The following ANKRD36C variants were observed in gnomAD, a reference collection of about 807,000 sequenced individuals.
The protein encoded by ANKRD36C is ankyrin repeat domain 36C.
Under a neutral mutation model 276.4 loss-of-function variants are expected in ANKRD36C, and 61 were observed. The ratio of observed to expected loss-of-function variants is 0.22; its 90% confidence interval spans 0.18 to 0.27. The LOEUF (loss-of-function observed/expected upper bound fraction) is 0.27. Ranked by LOEUF, ANKRD36C falls within the 10% of genes least tolerant of loss-of-function variation. The probability of loss-of-function intolerance (pLI) is 1.00; values close to 1 mark genes in which losing one functional copy is unlikely to be tolerated. For missense variants in ANKRD36C, 1,447 were observed against 2,032.3 expected (o/e 0.71, Z 5.54); for synonymous variants, 483 against 680.1 (o/e 0.71, Z 4.51).
At chr2:95,880,650 A>G (rs960276156) in intron 56 of ANKRD36C, 27 bp from the exon 77 acceptor site, 3 of 1,515,726 alleles carry the variant, frequency 2.0e-6, no homozygotes, top group African/African-American at 2.8e-5. Flanking sequence ...ATATATAATC[A>G]ATCATATGTA....
chr2:95,929,780 T>C (rs2104439973), intron 24 of ANKRD36C, among the ~76,000 whole-genome samples: 1 of 151,586 alleles, frequency 6.6e-6, no homozygotes, highest in African/African-American at 2.4e-5. Flanking sequence ...AGTGGAAGTG[T>C]CCTAACTTAA....
At chr2:95,902,389 A>G (rs1393500341) in intron 42 of ANKRD36C, among the ~76,000 whole-genome samples, 1 of 150,056 alleles carries the variant, frequency 6.7e-6, no homozygotes, top group African/African-American at 2.4e-5. Flanking sequence ...CCAAAATTAT[A>G]TAAATGACTT....
At chr2:95,988,150 C>CAAAA (rs201835162) in intron 1 of ANKRD36C, among the ~76,000 whole-genome samples, 1 of 105,438 alleles carries the variant, frequency 9.5e-6, no homozygotes. Context: ...AAAAAGAAGG[C>CAAAA]AAAAAAAAAA....
intron 6 of ANKRD36C, among the ~76,000 whole-genome samples, chr2:95,970,135 T>C (rs1020500460): frequency 5.3e-5 from 8 of 152,192 alleles, no homozygotes; most frequent in Non-Finnish European, 1.0e-4. Context: ...CTGTACTCTG[T>C]TCTATGGCAA....
At chr2:95,908,132 T>C (rs922011459) in intron 42 of ANKRD36C, among the ~76,000 whole-genome samples, 1 of 150,428 alleles carries the variant, frequency 6.6e-6, no homozygotes, top group Non-Finnish European at 1.5e-5. Flanking sequence ...AAGCTTTCTG[T>C]CTTTTCTTGG....
intron 5 of ANKRD36C, among the ~76,000 whole-genome samples, chr2:95,979,577 G>C (rs371340119): frequency 2.0e-5 from 3 of 152,076 alleles, no homozygotes; most frequent in East Asian, 3.9e-4. Context: ...CCAACCACAA[G>C]TTGAATGCCT....
At chr2:95,918,096 C>T (rs1235046916) in intron 34 of ANKRD36C, 54 bp from the exon 37 acceptor site, 25 of 1,580,422 alleles carry the variant, frequency 1.6e-5, no homozygotes, top group Non-Finnish European at 2.1e-5. Context: ...ATAAAGTTAT[C>T]CATACATTCA....
At chr2:95,924,079 T>C (rs1354646611) in intron 30 of ANKRD36C, among the ~76,000 whole-genome samples, 1 of 151,656 alleles carries the variant, frequency 6.6e-6, no homozygotes, top group African/African-American at 2.4e-5. Flanking sequence ...CAAAAGGATT[T>C]ACACTAGTAT....
downstream of ANKRD36C, among the ~76,000 whole-genome samples, chr2:95,849,755 C>T (rs78811078): frequency 2.4e-4 from 36 of 152,304 alleles, no homozygotes; most frequent in Middle Eastern, 0.01. Flanking sequence ...ATCCCTTGAA[C>T]GTGCAGTTCA....
In ANKRD36C at chr2:95,958,505, A is replaced by G. The variant is rs533832536; in HGVS notation, c.1105+86T>C. On this transcript the variant is annotated intron_variant, in intron 12 of 66. Transcript: ENST00000456556. Reference sequence around the variant, plus strand: ...CGCTGAATCAGAATGCGCAGCTTCAATGAGCCCCCTGCTGATTTATTCGGG... The same window carrying G: ...CGCTGAATCAGAATGCGCAGCTTCAGTGAGCCCCCTGCTGATTTATTCGGG... The G allele has an allele frequency of 2.0e-4, 305 of 1,495,176 alleles. 1 individual carries two copies. Among genetic ancestry groups the G allele is most frequent in the Non-Finnish European group, 2.6e-4 (290 of 1,111,688 alleles). The allele number at this position is 1,495,176 out of a possible 1,614,324, so 92.6% of individuals were successfully genotyped here. A position where few individuals can be genotyped will look rare whatever the true frequency, so the allele number is the denominator to read the frequency against.
intron 61 of ANKRD36C, 131 bp downstream of exon 81, chr2:95,859,730 C>T: frequency 9.7e-7 from 1 of 1,034,562 alleles, no homozygotes; most frequent in South Asian, 1.7e-5. Flanking sequence ...AATAATTTCA[C>T]ACTCCATAAG....
rs1573752692 is a variant in ANKRD36C at position 95,902,905 on chromosome 2, A to G, written c.2654-3569T>C. ...AATTACCTCTCCTAGTTTTTTCTCC[A>G]TACTTTTTTCCTCTGGCTATATTCA... On this transcript the variant is annotated intron_variant, in intron 42 of 66. Transcript: ENST00000456556. 5.7e-6 allele frequency: 9 copies of G among 1,585,272 alleles called. 1 individual carries two copies. In the East Asian group the frequency reaches 9.1e-5, roughly 16 times the overall value.
At chr2:95,981,588 T>C (rs1678919375) in intron 4 of ANKRD36C, among the ~76,000 whole-genome samples, 1 of 150,664 alleles carries the variant, frequency 6.6e-6, no homozygotes, top group Non-Finnish European at 1.5e-5. Context: ...CACCTTTCTC[T>C]GTTAGCTGGA....
rs148439079 is a variant in ANKRD36C at position 95,924,071 on chromosome 2, A to G, written c.2042-382T>C. On this transcript the variant is annotated intron_variant, in intron 30 of 66. Transcript: ENST00000456556. ...TCCATGTCTTTCATGCAAGCTATCAAAAGGATTTACACTAGTATACTACAA... is the reference window on the plus strand; with the variant it reads ...TCCATGTCTTTCATGCAAGCTATCAGAAGGATTTACACTAGTATACTACAA... Among the ~76,000 whole-genome samples the G allele has an allele frequency of 1.4e-4, 22 of 151,768 alleles. No homozygotes were observed. The East Asian group carries it at 4.1e-3, about 28-fold the overall frequency.
intron 44 of ANKRD36C, among the ~76,000 whole-genome samples, chr2:95,896,975 C>A (rs1676569084): frequency 6.8e-6 from 1 of 147,462 alleles, no homozygotes; most frequent in South Asian, 2.1e-4. Flanking sequence ...TTACTGAAAA[C>A]AAGCTGGAGA....
intron 48 of ANKRD36C, among the ~76,000 whole-genome samples, chr2:95,888,894 CA>C (rs1380630282): frequency 4.0e-5 from 6 of 151,588 alleles, no homozygotes; most frequent in African/African-American, 1.5e-4. Context: ...ATTCAGAAAT[CA>C]ATCAAATATT....
At chr2:95,869,609 T>A (rs1675756969) in intron 59 of ANKRD36C, among the ~76,000 whole-genome samples, 2 of 152,202 alleles carry the variant, frequency 1.3e-5, no homozygotes. Context: ...GTTTCTGCAT[T>A]TCCATCTGAG....
intron 44 of ANKRD36C, 145 bp from the exon 63 acceptor site, chr2:95,893,869 G>C: frequency 7.2e-7 from 1 of 1,394,806 alleles, no homozygotes; most frequent in Non-Finnish European, 9.7e-7. Flanking sequence ...CTGGGGACTA[G>C]AACATGACAG....
At chr2:95,963,972 AATATATATATATATATAT>A (rs1160108122) in intron 6 of ANKRD36C, among the ~76,000 whole-genome samples, 2 of 48,994 alleles carry the variant, frequency 4.1e-5, no homozygotes, top group African/African-American at 1.7e-4. Context: ...TATATATATA[AATATATATATATATATAT>A]ATATATATAT....
Sources: allele counts gnomAD v4.1 joint callset (sites outside exome capture counted in the v4.1 genomes callset), GRCh38; gene constraint gnomAD v4.1.1; transcripts MANE v1.5; gene names NCBI Gene and HGNC (gene_info 2026-07-23, HGNC 2026-07-21).